ADORA2B: variants seen among roughly 807,000 people sequenced by gnomAD.
ADORA2B encodes the protein adenosine A2b receptor, also known as adenosine receptor A2b.
In ADORA2B, 18 loss-of-function variants were observed where a neutral mutation model predicts 20.8. That is an observed-to-expected ratio of 0.87 (90% CI 0.60 to 1.29). ADORA2B has a LOEUF of 1.29. Among genes scored for constraint, ADORA2B ranks in the 50% most tolerant of loss-of-function variants. The pLI is 0.00. For missense variants in ADORA2B, 441 were observed against 422.7 expected (o/e 1.04, Z -0.38); for synonymous variants, 179 against 178.3 (o/e 1.00, Z -0.03).
chr17:15,918,582 C>A, the ADORA2B span, among the ~76,000 whole-genome samples: 2 of 152,222 alleles, frequency 1.3e-5, no homozygotes, highest in Admixed American at 1.3e-4. Flanking sequence ...AGCGATTCTC[C>A]TGCCTCAGCC....
In ADORA2B at chr17:15,975,431, C is replaced by T. The variant is rs896616579; in HGVS notation, c.*89C>T. On this transcript the variant is annotated 3_prime_UTR_variant, in exon 2 of 2. Transcript: ENST00000304222. ...GTTTTCATTGTGAAAGATAGCTACA[C>T]CTCACAAGGAAATGGACTGCCTCTC... 7.3e-7 allele frequency: 1 copy of T among 1,375,796 alleles called. No individual in the cohort carries two copies. The highest frequency in any genetic ancestry group is 9.9e-7 in the Non-Finnish European group (1 of 1,008,706). The allele number at this position is 1,375,796 out of a possible 1,614,324, so 85.2% of individuals were successfully genotyped here.
chr17:15,869,807 G>A, the ADORA2B span, among the ~76,000 whole-genome samples: 1 of 152,014 alleles, frequency 6.6e-6, no homozygotes, highest in Non-Finnish European at 1.5e-5. Flanking sequence ...TCAGAAAAAT[G>A]GCATTTTTCC....
At chr17:15,913,768 C>T in the ADORA2B span, among the ~76,000 whole-genome samples, 1 of 152,248 alleles carries the variant, frequency 6.6e-6, no homozygotes, top group Admixed American at 6.5e-5. Context: ...GGTCCCGTCA[C>T]CCCTCCCATA....
intron 1 of ADORA2B, among the ~76,000 whole-genome samples, chr17:15,971,755 C>G (rs1970190568): frequency 1.3e-5 from 2 of 151,610 alleles, no homozygotes; most frequent in South Asian, 4.2e-4. Context: ...GTCTCAGCCA[C>G]CTGAGTAGCT....
the ADORA2B span, among the ~76,000 whole-genome samples, chr17:15,926,940 C>T: frequency 2.6e-5 from 4 of 152,166 alleles, no homozygotes; most frequent in South Asian, 8.3e-4. Context: ...CTCTGCATTC[C>T]AGCCTCGGCA....
chr17:15,892,129 G>A, the ADORA2B span, among the ~76,000 whole-genome samples: 1 of 150,710 alleles, frequency 6.6e-6, no homozygotes, highest in East Asian at 2.0e-4. Flanking sequence ...CCAAAGTGCT[G>A]GTATTACAGG....
upstream of ADORA2B, among the ~76,000 whole-genome samples, chr17:15,944,565 C>T (rs1056967383): frequency 3.3e-5 from 5 of 152,082 alleles, no homozygotes; most frequent in African/African-American, 1.2e-4. The surrounding 1 kb of genome is among the most constrained non-coding windows in gnomAD (Gnocchi z 4.8). Flanking sequence ...TGGGAGGCGG[C>T]CGGAGGGGGC....
At chr17:15,886,986 C>A in the ADORA2B span, among the ~76,000 whole-genome samples, 1 of 130,988 alleles carries the variant, frequency 7.6e-6, no homozygotes, top group Non-Finnish European at 1.6e-5. Flanking sequence ...GCAAGGCAAC[C>A]AGACCCTGTG....
the ADORA2B span, among the ~76,000 whole-genome samples, chr17:15,876,302 A>G: frequency 6.6e-6 from 1 of 152,042 alleles, no homozygotes; most frequent in African/African-American, 2.4e-5. Context: ...GCAAGAAGAA[A>G]ATAATTCCAG....
At chr17:15,917,203 C>CA in the ADORA2B span, among the ~76,000 whole-genome samples, 1 of 152,358 alleles carries the variant, frequency 6.6e-6, no homozygotes, top group Non-Finnish European at 1.5e-5. Context: ...ACTTGGGAGT[C>CA]AGAGGCGGGA....
At chr17:15,915,604 T>TAGAC in the ADORA2B span, among the ~76,000 whole-genome samples, 30,790 of 151,974 alleles carry the variant, frequency 0.2, 3,636 homozygotes, top group Non-Finnish European at 0.27. Flanking sequence ...AGGTGATAGA[T>TAGAC]AGACAGGTGG....
chr17:15,852,373 T>C, the ADORA2B span, among the ~76,000 whole-genome samples: 1 of 152,174 alleles, frequency 6.6e-6, no homozygotes, highest in Non-Finnish European at 1.5e-5. Context: ...ATTTAAGTGA[T>C]CTTTCCCTAT....
chr17:15,949,412 C>G (rs1969864945), intron 1 of ADORA2B, among the ~76,000 whole-genome samples: 1 of 151,732 alleles, frequency 6.6e-6, no homozygotes, highest in African/African-American at 2.4e-5. Context: ...ACTCGGGAGG[C>G]TGAGGCAGGA....
chr17:15,864,134 C>G, the ADORA2B span: 29 of 178,484 alleles, frequency 1.6e-4, no homozygotes, highest in Non-Finnish European at 2.8e-4. Flanking sequence ...GAAATGGTAC[C>G]AGAAGAAGAC....
chr17:15,971,808 T>C (rs1970191062), intron 1 of ADORA2B, among the ~76,000 whole-genome samples: 1 of 152,032 alleles, frequency 6.6e-6, no homozygotes, highest in Non-Finnish European at 1.5e-5. Context: ...AATTTTCGTA[T>C]TTTTAGGAGA....
the ADORA2B span, among the ~76,000 whole-genome samples, chr17:15,923,915 GT>G: frequency 6.6e-6 from 1 of 151,738 alleles, no homozygotes. Context: ...TGTTGTTATT[GT>G]TTTGTTTTGT....
At chr17:15,965,663 A>G (rs1970107034) in intron 1 of ADORA2B, among the ~76,000 whole-genome samples, 1 of 152,268 alleles carries the variant, frequency 6.6e-6, no homozygotes. Flanking sequence ...TCAGCAGGAA[A>G]GGAAAAAGCC....
At chr17:15,964,277 C>T (rs1171597661) in intron 1 of ADORA2B, among the ~76,000 whole-genome samples, 2 of 152,140 alleles carry the variant, frequency 1.3e-5, no homozygotes, top group African/African-American at 4.8e-5. Context: ...GTGAAATCAT[C>T]TAGGCCTAAA....
rs544334346 is a variant in ADORA2B, at chr17:15,963,686, C to T, written c.336-10993C>T. Reference sequence around the variant, plus strand: ...GAGAATCACCAGGCCCAAAGGGGAACTCTGGGAGACCTGGTCCTGGCCCCT... The same window carrying T: ...GAGAATCACCAGGCCCAAAGGGGAATTCTGGGAGACCTGGTCCTGGCCCCT... On this transcript the variant is annotated intron_variant, in intron 1 of 1. Transcript: ENST00000304222. 5.9e-5 allele frequency among the ~76,000 whole-genome samples: 9 copies of T among 152,314 alleles called. No homozygotes were observed. In the South Asian group the frequency reaches 1.9e-3, roughly 32 times the overall value.
Sources: gnomAD v4.1 joint callset for allele counts (sites outside exome capture counted in the v4.1 genomes callset) on GRCh38, gnomAD v4.1.1 for gene constraint, Gnocchi (gnomAD v3.1) non-coding constraint, MANE v1.5 for transcripts, NCBI Gene and HGNC (gene_info 2026-07-23, HGNC 2026-07-21) for gene names.